Variants in TEX9 observed in about 807,000 individuals in gnomAD.
TEX9 encodes the protein testis-expressed protein 9.
A neutral mutation model predicts 59.6 loss-of-function variants in TEX9; 74 were observed. The ratio of observed to expected loss-of-function variants is 1.24; its 90% CI spans 1.03 to 1.51. The LOEUF is 1.51. Among genes scored for constraint, TEX9 ranks in the 40% most tolerant of loss-of-function variants. The pLI, the probability that TEX9 is intolerant of heterozygous loss-of-function variation, is 0.00. For missense variants in TEX9, 522 were observed against 447.8 expected (o/e 1.17, Z -1.49); for synonymous variants, 186 against 152.2 (o/e 1.22, Z -1.64).
At chr15:56,289,311 T>A (rs1252903315) in intron 1 of TEX9, among the ~76,000 whole-genome samples, 1 of 152,196 alleles carries the variant, frequency 6.6e-6, no homozygotes, top group Non-Finnish European at 1.5e-5. Flanking sequence ...TCTTATTGTT[T>A]TATGTTGATG....
At chr15:56,378,062 G>T (rs953811523) in intron 3 of TEX9, among the ~76,000 whole-genome samples, 47 of 152,094 alleles carry the variant, frequency 3.1e-4, no homozygotes, top group African/African-American at 1.0e-3. Flanking sequence ...CATCCCTGGG[G>T]TAAATCCCAC....
rs529982673 is a variant in TEX9 at position 56,342,320 on chromosome 15, A to G, written c.-106-31121A>G. On this transcript the variant is annotated intron_variant, in intron 1 of 5. Transcript: ENST00000560827. ...TAGGAAGCTAAGGCTCAGAGAGGTT[A>G]AGTGAAAAGGACACACAGCCACATG... Among the ~76,000 whole-genome samples the G allele has an allele frequency of 5.9e-5, 9 of 152,298 alleles. No individual in the cohort carries two copies. In the South Asian group the frequency reaches 1.9e-3, roughly 32 times the overall value.
chr15:56,286,474 A>T (rs1019051875), intron 1 of TEX9, among the ~76,000 whole-genome samples: 1 of 152,196 alleles, frequency 6.6e-6, no homozygotes, highest in Non-Finnish European at 1.5e-5. Flanking sequence ...CTCTTGGAGC[A>T]TCTAGGCAGA....
intron 2 of TEX9, among the ~76,000 whole-genome samples, chr15:56,370,641 C>T (rs2047152519): frequency 6.6e-6 from 1 of 152,126 alleles, no homozygotes; most frequent in Non-Finnish European, 1.5e-5. Context: ...CTGCTGTCAG[C>T]TTTTTAGATA....
intron 1 of TEX9, among the ~76,000 whole-genome samples, chr15:56,274,364 A>G (rs1327659249): frequency 1.3e-5 from 2 of 151,926 alleles, no homozygotes; most frequent in African/African-American, 4.8e-5. Flanking sequence ...CTTTTTGTGC[A>G]TGTTGTTAAT....
chr15:56,278,520 A>G (rs1162564226), intron 1 of TEX9, among the ~76,000 whole-genome samples: 1 of 152,104 alleles, frequency 6.6e-6, no homozygotes, highest in Non-Finnish European at 1.5e-5. Context: ...TGAGAGATTC[A>G]TTTCTTTCCT....
the TEX9 span, among the ~76,000 whole-genome samples, chr15:56,457,483 T>C: frequency 6.6e-6 from 1 of 152,192 alleles, no homozygotes; most frequent in Non-Finnish European, 1.5e-5. Context: ...TGTGGGAATG[T>C]AAAATGGTAC....
intron 1 of TEX9, among the ~76,000 whole-genome samples, chr15:56,266,937 C>G (rs1173976125): frequency 6.6e-6 from 1 of 152,160 alleles, no homozygotes. Flanking sequence ...TTTACAGTCC[C>G]ACCAACAGTG....
intron 2 of TEX9, among the ~76,000 whole-genome samples, chr15:56,367,926 C>A (rs1351976525): frequency 6.6e-6 from 1 of 152,054 alleles, no homozygotes; most frequent in Non-Finnish European, 1.5e-5. Flanking sequence ...TCTGTGAATT[C>A]CCTTGGATTT....
intron 12 of TEX9, among the ~76,000 whole-genome samples, chr15:56,436,102 A>G (rs1473740127): frequency 2.0e-5 from 3 of 152,140 alleles, no homozygotes; most frequent in African/African-American, 4.8e-5. Context: ...TGCACCAAGC[A>G]GACCTAATAG....
At chr15:56,389,658 T>C (rs1191762756) in intron 6 of TEX9, among the ~76,000 whole-genome samples, 2 of 151,626 alleles carry the variant, frequency 1.3e-5, no homozygotes, top group Non-Finnish European at 3.0e-5. Flanking sequence ...ATGTTATTTC[T>C]AGTGAGTTAT....
At chr15:56,433,528 C>G (rs1278650385) in intron 12 of TEX9, among the ~76,000 whole-genome samples, 2 of 152,152 alleles carry the variant, frequency 1.3e-5, no homozygotes, top group African/African-American at 4.8e-5. Flanking sequence ...CCCATCAATT[C>G]CGTATCCTTA....
At chr15:56,263,644 C>T (rs553888238) in intron 1 of TEX9, among the ~76,000 whole-genome samples, 51 of 152,214 alleles carry the variant, frequency 3.4e-4, no homozygotes, top group African/African-American at 6.5e-4. Flanking sequence ...TAACTACCAC[C>T]GCAATCAAGG....
chr15:56,333,678 A>C (rs1378087052), intron 1 of TEX9, among the ~76,000 whole-genome samples: 1 of 152,160 alleles, frequency 6.6e-6, no homozygotes, highest in Non-Finnish European at 1.5e-5. Context: ...TAGCTAGAGC[A>C]ATCAGACAAG....
chr15:56,413,447 A>G (rs2049507944), intron 10 of TEX9, among the ~76,000 whole-genome samples: 1 of 151,362 alleles, frequency 6.6e-6, no homozygotes, highest in Non-Finnish European at 1.5e-5. Context: ...TTTTAAGCAT[A>G]TAGTTCAGTA....
chr15:56,380,834 T>C (rs1225586088), intron 3 of TEX9, among the ~76,000 whole-genome samples: 1 of 152,224 alleles, frequency 6.6e-6, no homozygotes, highest in African/African-American at 2.4e-5. Context: ...TTTCTCTTGC[T>C]GTTTTTAGGA....
At chr15:56,327,563 C>T (rs1201826981) in intron 1 of TEX9, among the ~76,000 whole-genome samples, 1 of 152,096 alleles carries the variant, frequency 6.6e-6, no homozygotes, top group Non-Finnish European at 1.5e-5. Context: ...ACTAACAATA[C>T]CTGATTTTAA....
rs376430992 is a variant in TEX9 at position 56,382,438 on chromosome 15, C to T, written c.184-1514C>T. 5.3e-5 allele frequency among the ~76,000 whole-genome samples: 8 copies of T among 152,286 alleles called. No individual in the cohort carries two copies. The East Asian group carries it at 1.4e-3, about 26-fold the overall frequency. ...TTTCACAAGCAGAAGGAGTCTTTCA[C>T]TGTAGCCACTACAACTGGGAATGTG... On this transcript the variant is annotated intron_variant, in intron 3 of 12. Transcript: ENST00000352903.
intron 12 of TEX9, among the ~76,000 whole-genome samples, chr15:56,430,488 G>A (rs1421641539): frequency 6.6e-6 from 1 of 152,148 alleles, no homozygotes; most frequent in East Asian, 1.9e-4. Context: ...TTATAGGCAT[G>A]AGTTGCCATG....
Sources: allele counts gnomAD v4.1 joint callset (sites outside exome capture counted in the v4.1 genomes callset), GRCh38; gene constraint gnomAD v4.1.1; transcripts MANE v1.5; gene names NCBI Gene and HGNC (gene_info 2026-07-23, HGNC 2026-07-21).